Variants in KDF1 observed in about 807,000 individuals in gnomAD.
KDF1 encodes keratinocyte differentiation factor 1.
In KDF1, 11 loss-of-function variants were observed where a neutral mutation model predicts 31.6. That is an observed-to-expected ratio of 0.35 (90% CI 0.22 to 0.58). KDF1 has a LOEUF of 0.58. KDF1 is among the 20% of genes least tolerant of loss of function. The probability of loss-of-function intolerance (pLI) is 0.83; values close to 1 mark genes in which losing one functional copy is unlikely to be tolerated. For missense variants in KDF1, 476 were observed against 549.1 expected (o/e 0.87, Z 1.33); for synonymous variants, 205 against 214.4 (o/e 0.96, Z 0.38).
chr1:26,959,028 A>G (rs2082389411), intron 1 of KDF1, among the ~76,000 whole-genome samples: 1 of 152,218 alleles, frequency 6.6e-6, no homozygotes, highest in Non-Finnish European at 1.5e-5. Context: ...GACTCTCACA[A>G]TTGCTCTGAA....
chr1:26,959,977 G>A (rs943642619), intron 1 of KDF1, among the ~76,000 whole-genome samples: 2 of 152,170 alleles, frequency 1.3e-5, no homozygotes, highest in African/African-American at 4.8e-5. Context: ...TCTGCCCTCG[G>A]GGCGAGCACT....
intron 1 of KDF1, among the ~76,000 whole-genome samples, chr1:26,958,750 T>C (rs2082388196): frequency 6.6e-6 from 1 of 152,206 alleles, no homozygotes; most frequent in East Asian, 1.9e-4. Context: ...GCCAGCTCCA[T>C]GGACCAGCGT....
At position 26,950,163 on chromosome 1, in the gene KDF1, G is replaced by A. The variant is rs117718018; in HGVS notation, c.1115-12C>T. 577 of 1,607,192 alleles carry A rather than the reference G, an allele frequency of 3.6e-4. 4 individuals are homozygous for A. In the East Asian group the frequency reaches 0.013, roughly 35 times the overall value. On this transcript the variant is annotated splice_polypyrimidine_tract_variant and intron_variant, in intron 3 of 3. Transcript: ENST00000320567. This position sits in a 1 kb window ranked among gnomAD's most constrained non-coding sequence, Gnocchi z 4.0. The stretch of plus-strand genomic sequence containing the variant: ...GCTTGCTGGGTACCCTGGTAGGAAG[G>A]AGAGGAGAGGAGGAAACAGGCTCAG...
chr1:26,954,609 G>C (rs1026044741), intron 1 of KDF1, among the ~76,000 whole-genome samples: 4 of 151,096 alleles, frequency 2.6e-5, no homozygotes, highest in Admixed American at 1.3e-4. Flanking sequence ...GAGGTGGGCG[G>C]ATGATTTGAG....
rs1164508689 is a variant in KDF1 at position 26,959,427 on chromosome 1, C to A, written c.-33+923G>T. 2.6e-5 allele frequency among the ~76,000 whole-genome samples: 4 copies of A among 152,092 alleles called. No homozygotes were observed. In the South Asian group the frequency reaches 8.3e-4, roughly 32 times the overall value. ...TCCCTGTCCCTATTGTGGCTTGAGG[C>A]AAGATTCTTAACCTCACTTTCCTCA... On this transcript the variant is annotated intron_variant, in intron 1 of 3. Transcript: ENST00000320567.
intron 1 of KDF1, among the ~76,000 whole-genome samples, chr1:26,957,933 G>A (rs1445894450): frequency 6.6e-6 from 1 of 151,800 alleles, no homozygotes; most frequent in Non-Finnish European, 1.5e-5. Flanking sequence ...TCATGCCTCA[G>A]CCTCCTGAGT....
Position 26,950,846 on chromosome 1 carries a change from G to T in KDF1, c.1040-90C>A. 3 of 1,144,646 alleles carry T rather than the reference G, an allele frequency of 2.6e-6. No homozygotes were observed. Among genetic ancestry groups the T allele is most frequent in the South Asian group, 1.3e-5 (1 of 79,858 alleles). The allele number at this position is 1,144,646 out of a possible 1,614,324, so 70.9% of individuals were successfully genotyped here. On this transcript the variant is annotated intron_variant, in intron 2 of 3. Transcript: ENST00000320567. The surrounding 1 kb of genome is among the most constrained non-coding windows in gnomAD (Gnocchi z 4.0). ...CTGTTCCCAGCCCGATGAGGGAGGA[G>T]CCACTCACTCCTGGGCAGGGCTAGA...
At chr1:26,954,043 T>C (rs1427778703) in intron 1 of KDF1, among the ~76,000 whole-genome samples, 1 of 151,154 alleles carries the variant, frequency 6.6e-6, no homozygotes, top group African/African-American at 2.4e-5. Flanking sequence ...CAAAGTAGAA[T>C]GGTAGTTGCC....
At chr1:26,953,625 T>C (rs1446188599) in intron 1 of KDF1, among the ~76,000 whole-genome samples, 2 of 152,156 alleles carry the variant, frequency 1.3e-5, no homozygotes, top group Non-Finnish European at 2.9e-5. Flanking sequence ...GGATGAACCT[T>C]GAAGAACTTA....
intron 1 of KDF1, among the ~76,000 whole-genome samples, chr1:26,957,118 G>A (rs993082116): frequency 6.6e-6 from 1 of 152,046 alleles, no homozygotes; most frequent in Non-Finnish European, 1.5e-5. Flanking sequence ...TTGTTTTTTG[G>A]TAGAAATGGG....
At position 26,950,198 on chromosome 1, in the gene KDF1, C is replaced by T. The variant is rs1386570060; in HGVS notation, c.1115-47G>A. ...GAGGAAACAGGCTCAGGGGAAGGAG[C>T]TCATCCAGATCCCATGACCAGGGAG... On this transcript the variant is annotated intron_variant, in intron 3 of 3. Coordinates refer to ENST00000320567, the MANE Select transcript of KDF1 (RefSeq NM_152365.3). This position sits in a 1 kb window ranked among gnomAD's most constrained non-coding sequence, Gnocchi z 4.0. 4 of 1,535,638 alleles carry T rather than the reference C, an allele frequency of 2.6e-6. No homozygotes were observed. Among genetic ancestry groups the T allele is most frequent in the African/African-American group, 2.7e-5 (2 of 73,284 alleles).
rs1419863126 is a variant in KDF1, at chr1:26,949,736, T to C, written c.*333A>G. 1 of 262,320 alleles carries C rather than the reference T, an allele frequency of 3.8e-6. No individual in the cohort carries two copies. Among genetic ancestry groups the C allele is most frequent in the Non-Finnish European group, 7.4e-6 (1 of 134,398 alleles). The allele number at this position is 262,320 out of a possible 1,614,324, so 16.2% of individuals were successfully genotyped here. A position where few individuals can be genotyped will look rare whatever the true frequency, so the allele number is the denominator to read the frequency against. On this transcript the variant is annotated 3_prime_UTR_variant, in exon 4 of 4. Coordinates refer to ENST00000320567, the MANE Select transcript of KDF1 (RefSeq NM_152365.3). ...CCCAGGGAGGGAGAAGTTTGCATGA[T>C]TGGTTAGGGTGGCAATAGGGGGATG...
At chr1:26,956,496 T>C (rs945363050) in intron 1 of KDF1, among the ~76,000 whole-genome samples, 8 of 152,178 alleles carry the variant, frequency 5.3e-5, no homozygotes, top group Non-Finnish European at 1.0e-4. Flanking sequence ...TGATACTATG[T>C]ACTAAGGAGG....
chr1:26,951,301 T>TC lies in KDF1; in HGVS notation c.1039+40dup, dbSNP rs1289317019. 6.8e-7 allele frequency: 1 copy of TC among 1,474,472 alleles called. No homozygotes were observed. Among genetic ancestry groups the TC allele is most frequent in the Non-Finnish European group, 9.1e-7 (1 of 1,104,876 alleles). The allele number at this position is 1,474,472 out of a possible 1,614,324, so 91.3% of individuals were successfully genotyped here. On this transcript the variant is annotated intron_variant, in intron 2 of 3. Transcript: ENST00000320567. The surrounding 1 kb of genome is among the most constrained non-coding windows in gnomAD (Gnocchi z 5.4). ...TTCCAACCCTCCCCTGGCCAGAGCC[T>TC]CCCCTACTCTGCCCCTCAGCCCCAT...
chr1:26,954,810 G>A (rs933862878), intron 1 of KDF1, among the ~76,000 whole-genome samples: 2 of 142,342 alleles, frequency 1.4e-5, no homozygotes, highest in Non-Finnish European at 3.1e-5. Flanking sequence ...TCCAGCCTGG[G>A]TGACAGAGTG....
rs777979399 is a variant in KDF1 at position 26,951,690 on chromosome 1, T to C, written c.691A>G (p.Ser231Gly). Residue 231 changes from serine to glycine, a missense_variant, in exon 2 of 4, where the codon AGT (serine) becomes GGT (glycine). Physicochemically the swap from Ser to Gly is moderately conservative, Grantham distance 56 (BLOSUM62 0). This residue lies in a region of KDF1 where 330 missense variants were observed against 332.3 expected (regional missense o/e 0.99). Coordinates refer to ENST00000320567, the MANE Select transcript of KDF1 (RefSeq NM_152365.3). The surrounding 1 kb of genome is among the most constrained non-coding windows in gnomAD (Gnocchi z 5.4). ...ATTTCTCGGCTCGACATGGAGCCAC[T>C]GCCCATCTCCGGCAGGTCCAGGTCC... ...ESDLDLPEMG[S>G]GSMSSREIDV... is the part of the protein sequence containing the mutation. The C allele has an allele frequency of 6.8e-6, 11 of 1,613,778 alleles. No individual in the cohort carries two copies. The African/African-American group carries it at 1.3e-4, about 20-fold the overall frequency.
rs756324322 is a variant in KDF1 at position 26,952,416 on chromosome 1, C to T, written c.-32-4G>A. 4.3e-5 allele frequency: 64 copies of T among 1,483,240 alleles called. No homozygotes were observed. The highest frequency in any genetic ancestry group is 5.4e-5 in the Non-Finnish European group (61 of 1,120,042). 91.9% of individuals were successfully genotyped at this position (1,483,240 alleles called of 1,614,324 possible). A position where few individuals can be genotyped will look rare whatever the true frequency, so the allele number is the denominator to read the frequency against. On this transcript the variant is annotated splice_polypyrimidine_tract_variant and splice_region_variant and intron_variant, in intron 1 of 3. Transcript: ENST00000320567. This position sits in a 1 kb window ranked among gnomAD's most constrained non-coding sequence, Gnocchi z 4.1. ...ATGGTTTGTAGCAGCCAGGCACCTG[C>T]GTGGGGAGAGGCCAGGAAGGAGTCA...
intron 1 of KDF1, among the ~76,000 whole-genome samples, chr1:26,954,533 T>G (rs2082367734): frequency 6.6e-6 from 1 of 151,316 alleles, no homozygotes; most frequent in African/African-American, 2.4e-5. Context: ...CAAATGTGGT[T>G]TCTTTAAAAA....
chr1:26,951,641 A>T lies in KDF1; in HGVS notation c.740T>A (p.Leu247Gln). Residue 247 changes from leucine (L) to glutamine (Q), a missense_variant, in exon 2 of 4, where the codon CTG (leucine) becomes CAG (glutamine). Physicochemically the swap from Leu to Gln is moderately radical, Grantham distance 113 (BLOSUM62 -2). Around this residue, in one of 2 missense-constraint regions of KDF1, gnomAD observed 146 missense variants for 216.8 expected, o/e 0.67. Coordinates refer to ENST00000320567, the MANE Select transcript of KDF1 (RefSeq NM_152365.3). This position sits in a 1 kb window ranked among gnomAD's most constrained non-coding sequence, Gnocchi z 5.4. ...REIDVLIFKK[L>Q]TELFSVHQID... is the part of the protein sequence containing the mutation. ...CTGGTGTACGCTGAACAGCTCTGTC[A>T]GCTTCTTGAAGATGAGCACATCAAT... The T allele has an allele frequency of 6.2e-7, 1 of 1,613,926 alleles. No individual in the cohort carries two copies. Among genetic ancestry groups the T allele is most frequent in the Non-Finnish European group, 8.5e-7 (1 of 1,180,032 alleles).
Sources: gnomAD v4.1 joint callset for allele counts (sites outside exome capture counted in the v4.1 genomes callset) on GRCh38, gnomAD v4.1.1 for gene constraint, gnomAD v4.1.1 regional missense constraint, Gnocchi (gnomAD v3.1) non-coding constraint, MANE v1.5 for transcripts, NCBI Gene and HGNC (gene_info 2026-07-23, HGNC 2026-07-21) for gene names.